TFAP2A: variants seen among roughly 807,000 people sequenced by gnomAD.
TFAP2A encodes the protein transcription factor AP-2-alpha.
TFAP2A carries 7 observed loss-of-function variants against 41.5 expected under a neutral mutation model. The observed-to-expected ratio is 0.17, with a 90% CI of 0.10 to 0.32. The LOEUF is 0.32. TFAP2A is among the 10% of genes least tolerant of loss of function. The pLI, the probability that TFAP2A is intolerant of heterozygous loss-of-function variation, is 1.00. For missense variants in TFAP2A, 416 were observed against 563.3 expected, an observed-to-expected ratio of 0.74 and a Z score of 2.65; for synonymous variants, 247 against 242.8, an observed-to-expected ratio of 1.02 and a Z score of -0.16.
At chr6:10,416,159 C>T (rs1041025064), upstream of TFAP2A, 10 of 152,230 alleles carry the variant, frequency 6.6e-5, no homozygotes, top group Admixed American at 5.2e-4. Flanking sequence ...AAATAAATCA[C>T]CGGGAACCGA....
chr6:10,410,397 A>C (rs1382858831), intron 1 of TFAP2A, 62 bp from the exon 2 acceptor site: 13 of 1,507,564 alleles, frequency 8.6e-6, no homozygotes, highest in African/African-American at 6.9e-5. Context: ...ACAACTATCC[A>C]CACAAAATCC....
chr6:10,404,407 C>T (rs888393668), intron 4 of TFAP2A, 101 bp downstream of exon 4: 4 of 813,774 alleles, frequency 4.9e-6, no homozygotes, highest in Non-Finnish European at 6.7e-6. Context: ...TAGGGAGGGC[C>T]GCGGCGCGAG....
chr6:10,400,870 C>T (rs1761981826), intron 5 of TFAP2A: 1 of 613,996 alleles, frequency 1.6e-6, no homozygotes, highest in Non-Finnish European at 3.0e-6. Flanking sequence ...AATGACACTT[C>T]TCCAAATTCT....
At chr6:10,401,400 A>C (rs1762000113) in intron 5 of TFAP2A, among the ~76,000 whole-genome samples, 1 of 152,206 alleles carries the variant, frequency 6.6e-6, no homozygotes, top group Non-Finnish European at 1.5e-5. Context: ...TTTTAATGTA[A>C]TGGTACTGTA....
Position 10,398,403 on chromosome 6 carries a change from G to A in TFAP2A, c.*14C>T. 2 of 1,612,072 alleles carry A rather than the reference G, an allele frequency of 1.2e-6. No individual in the cohort carries two copies. The highest frequency in any genetic ancestry group is 1.7e-6 in the Non-Finnish European group (2 of 1,179,726). On this transcript the variant is annotated 3_prime_UTR_variant, in exon 7 of 7. Transcript: ENST00000379613. This position sits in a 1 kb window ranked among gnomAD's most constrained non-coding sequence, Gnocchi z 5.3. ...GCTGGTGAGGCGTGGGAGGGGCGGG[G>A]CGGGAGGAGAGCCTCACTTTCTGTG... is the stretch of plus-strand genomic sequence containing the variant.
At chr6:10,405,121 G>A (rs2071512) in intron 3 of TFAP2A, 50,151 of 231,538 alleles carry the variant, frequency 0.22, 7,441 homozygotes, top group African/African-American at 0.45. Context: ...GGGTGCAGGG[G>A]AGGGAATTAC....
At chr6:10,415,775 G>A (rs1442582997), upstream of TFAP2A, 3 of 152,352 alleles carry the variant, frequency 2.0e-5, no homozygotes, top group Non-Finnish European at 2.9e-5. Flanking sequence ...GCCTCCGCTC[G>A]AGGCAGCCAC....
chr6:10,411,912 G>A, intron 1 of TFAP2A: 1 of 1,232,744 alleles, frequency 8.1e-7, no homozygotes, highest in Non-Finnish European at 1.0e-6. Flanking sequence ...GTATGTGTGA[G>A]TGTGTGGGTG....
upstream of TFAP2A, chr6:10,415,378 C>G (rs761482528): frequency 3.4e-6 from 3 of 895,362 alleles, no homozygotes; most frequent in Non-Finnish European, 4.5e-6. Context: ...CGCTCCGACA[C>G]AGGTATAAAG....
At chr6:10,404,953 G>A in intron 3 of TFAP2A, 1 of 598,578 alleles carries the variant, frequency 1.7e-6, no homozygotes, top group South Asian at 2.0e-5. Flanking sequence ...AGGCGGCCCT[G>A]CCCTCCCCCA....
chr6:10,397,936 G>A lies in TFAP2A; in HGVS notation c.*481C>T. The A allele has an allele frequency of 1.8e-5, 18 of 975,274 alleles. No individual in the cohort carries two copies. Among genetic ancestry groups the A allele is most frequent in the Non-Finnish European group, 2.2e-5 (18 of 821,974 alleles). 60.4% of individuals were successfully genotyped at this position (975,274 alleles called of 1,614,324 possible). ...TGGCTTTTTTTTTTTTTTTAAGTATGGCTACAATCTGAACTGAAGTATGTA... is the reference window on the plus strand; with the variant it reads ...TGGCTTTTTTTTTTTTTTTAAGTATAGCTACAATCTGAACTGAAGTATGTA... On this transcript the variant is annotated 3_prime_UTR_variant, in exon 7 of 7. Transcript: ENST00000379613.
chr6:10,411,242 C>T (rs1167009008), intron 1 of TFAP2A, among the ~76,000 whole-genome samples: 1 of 152,150 alleles, frequency 6.6e-6, no homozygotes, highest in Non-Finnish European at 1.5e-5. Flanking sequence ...ACAGTTTAAG[C>T]ATCAAATGTT....
At chr6:10,402,094 G>C in intron 5 of TFAP2A, 1 of 363,510 alleles carries the variant, frequency 2.8e-6, no homozygotes, top group Non-Finnish European at 5.4e-6. Flanking sequence ...TCTTAAATCA[G>C]GACGCAGGTC....
At position 10,397,747 on chromosome 6, in the gene TFAP2A, C is replaced by T; in HGVS notation, c.*670G>A. The stretch of plus-strand genomic sequence containing the variant: ...ATAAATATATACAGAGACGTGAACA[C>T]TGATTCCCTTATATAACTGCGAATC... On this transcript the variant is annotated 3_prime_UTR_variant, in exon 7 of 7. Transcript: ENST00000379613. 2 of 509,598 alleles carry T rather than the reference C, an allele frequency of 3.9e-6. No individual in the cohort carries two copies. The highest frequency in any genetic ancestry group is 5.1e-6 in the Non-Finnish European group (2 of 395,400). The allele number at this position is 509,598 out of a possible 1,614,324, so 31.6% of individuals were successfully genotyped here. A position where few individuals can be genotyped will look rare whatever the true frequency, so the allele number is the denominator to read the frequency against.
intron 1 of TFAP2A, among the ~76,000 whole-genome samples, chr6:10,413,866 G>GAA (rs34252834): frequency 1.0e-3 from 148 of 144,384 alleles, no homozygotes; most frequent in African/African-American, 3.4e-3. Context: ...TGCCAAAAAA[G>GAA]AAAAAAAAAA....
Position 10,398,236 on chromosome 6 carries a change from A to T in TFAP2A, c.*181T>A. On this transcript the variant is annotated 3_prime_UTR_variant, in exon 7 of 7. Coordinates refer to ENST00000379613, the MANE Select transcript of TFAP2A (RefSeq NM_001372066.1). This position sits in a 1 kb window ranked among gnomAD's most constrained non-coding sequence, Gnocchi z 5.3. ...GAGTCGGAGAGGCTGCCCCACTGAC[A>T]GTCGAGAGGGCAGTCCCGGAGACTC... The T allele has an allele frequency of 6.7e-7, 1 of 1,492,246 alleles. No individual in the cohort carries two copies. Among genetic ancestry groups the T allele is most frequent in the South Asian group, 1.3e-5 (1 of 75,916 alleles). The allele number at this position is 1,492,246 out of a possible 1,614,324, so 92.4% of individuals were successfully genotyped here.
At chr6:10,404,397 T>C (rs1395858261) in intron 4 of TFAP2A, 111 bp downstream of exon 4, 5 of 438,258 alleles carry the variant, frequency 1.1e-5, no homozygotes, top group Middle Eastern at 9.3e-4. Context: ...CTTTCCCGCG[T>C]AGGGAGGGCC....
chr6:10,407,187 G>A (rs1036856193), intron 2 of TFAP2A: 12 of 316,470 alleles, frequency 3.8e-5, no homozygotes, highest in African/African-American at 2.6e-4. Context: ...CCTAGCTTTA[G>A]ATTGGCGCCT....
At position 10,404,648 on chromosome 6, in the gene TFAP2A, G is replaced by A. The variant is rs1282344497; in HGVS notation, c.630C>T (p.Asn210=). Reference sequence around the variant, plus strand: ...GACCCGGAACTGAACAGAAGACTTCGTTGGGGTTCACCACGCCGCCGAAGA... The same window carrying A: ...GACCCGGAACTGAACAGAAGACTTCATTGGGGTTCACCACGCCGCCGAAGA... The part of the protein sequence containing the change: ...DNLFGGVVNP[N]EVFCSVPGRL... The change falls in exon 4 of 7, where the codon AAC becomes AAT. Residue 210 remains asparagine (N), a synonymous_variant. Transcript: ENST00000379613. 6 of 1,614,210 alleles carry A rather than the reference G, an allele frequency of 3.7e-6. No individual in the cohort carries two copies. In the Admixed American group the frequency reaches 8.3e-5, roughly 22 times the overall value.
Sources: gnomAD v4.1 joint callset for allele counts (sites outside exome capture counted in the v4.1 genomes callset) on GRCh38, gnomAD v4.1.1 for gene constraint, Gnocchi (gnomAD v3.1) non-coding constraint, MANE v1.5 for transcripts, NCBI Gene and HGNC (gene_info 2026-07-23, HGNC 2026-07-21) for gene names.